The following BCHE variants were observed in gnomAD, a reference collection of about 807,000 sequenced individuals.
The protein encoded by BCHE is cholinesterase.
In BCHE, 48 loss-of-function variants were observed where a neutral mutation model predicts 51.3. The observed-to-expected ratio is 0.94, with a 90% confidence interval of 0.74 to 1.19. The LOEUF (loss-of-function observed/expected upper bound fraction) is 1.19. BCHE is among the 50% of genes most tolerant of loss of function. The pLI is 0.00. For missense variants in BCHE, 847 were observed against 708.2 expected, an observed-to-expected ratio of 1.20 and a Z score of -2.23; for synonymous variants, 251 against 238.0, an observed-to-expected ratio of 1.05 and a Z score of -0.50.
rs1450987683 is a variant in BCHE at position 165,837,307 on chromosome 3, A to G, written c.-9+7T>C. 1.6e-5 allele frequency: 20 copies of G among 1,286,312 alleles called. No individual in the cohort carries two copies. Among genetic ancestry groups the G allele is most frequent in the Non-Finnish European group, 2.0e-5 (20 of 985,806 alleles). The allele number at this position is 1,286,312 out of a possible 1,614,324, so 79.7% of individuals were successfully genotyped here. A position where few individuals can be genotyped will look rare whatever the true frequency, so the allele number is the denominator to read the frequency against. On this transcript the variant is annotated splice_region_variant and intron_variant, in intron 1 of 3. Transcript: ENST00000264381. ...CTACACGAAGGTGTAAATTCAGAGC[A>G]ACTTACCCGATTCTCTGCAACAAAG...
intron 3 of BCHE, among the ~76,000 whole-genome samples, chr3:165,780,579 C>T (rs1384757292): frequency 6.6e-6 from 1 of 152,054 alleles, no homozygotes; most frequent in African/African-American, 2.4e-5. Context: ...AAGCAAACAA[C>T]CCCATCAAAA....
Position 165,773,360 on chromosome 3 carries a change from C to G in BCHE, c.*22G>C, listed in dbSNP as rs1407247169. On this transcript the variant is annotated 3_prime_UTR_variant, in exon 4 of 4. Coordinates refer to ENST00000264381, the MANE Select transcript of BCHE (RefSeq NM_000055.4). ...GCCTTGATCTAAAGGAAAATATGTTCTATAAAGGGTAAATCTATTAATTAG... is the reference window on the plus strand; with the variant it reads ...GCCTTGATCTAAAGGAAAATATGTTGTATAAAGGGTAAATCTATTAATTAG... The G allele has an allele frequency of 3.7e-6, 6 of 1,603,634 alleles. No homozygotes were observed. The highest frequency in any genetic ancestry group is 5.1e-6 in the Non-Finnish European group (6 of 1,172,454).
chr3:165,795,934 G>A (rs906258632), intron 2 of BCHE, among the ~76,000 whole-genome samples: 4 of 152,006 alleles, frequency 2.6e-5, no homozygotes, highest in African/African-American at 9.7e-5. Flanking sequence ...AAGAAGGGAA[G>A]AGAAAGGGAG....
intron 2 of BCHE, among the ~76,000 whole-genome samples, chr3:165,806,998 A>G (rs1576854423): frequency 6.6e-6 from 1 of 152,060 alleles, no homozygotes; most frequent in East Asian, 1.9e-4. Flanking sequence ...TAAAACAACT[A>G]TGATCGATCA....
chr3:165,832,725 C>T (rs1308614341), intron 1 of BCHE, among the ~76,000 whole-genome samples: 2 of 152,118 alleles, frequency 1.3e-5, no homozygotes, highest in Admixed American at 1.3e-4. Context: ...AATTAGGTTG[C>T]TGAAATCCAA....
At chr3:165,833,698 A>C (rs1402500325) in intron 1 of BCHE, among the ~76,000 whole-genome samples, 2 of 152,146 alleles carry the variant, frequency 1.3e-5, no homozygotes. Context: ...CTACTGCTTC[A>C]GTTCTTTTTT....
chr3:165,787,827 A>G (rs1161062337), intron 2 of BCHE, among the ~76,000 whole-genome samples: 1 of 151,986 alleles, frequency 6.6e-6, no homozygotes, highest in Non-Finnish European at 1.5e-5. Flanking sequence ...CTTTTGACTA[A>G]ATGGCTAGTG....
intron 1 of BCHE, among the ~76,000 whole-genome samples, chr3:165,836,449 C>T (rs1715191434): frequency 6.6e-6 from 1 of 151,690 alleles, no homozygotes; most frequent in Non-Finnish European, 1.5e-5. Context: ...ATGTAGAAGA[C>T]ATACTCATAA....
chr3:165,830,105 T>C lies in BCHE; in HGVS notation c.929A>G (p.Tyr310Cys), dbSNP rs772234528. Residue 310 changes from tyrosine (Y) to cysteine (C), a missense_variant, in exon 2 of 4, where the codon TAT becomes TGT. Transcript: ENST00000264381. ...ILLNEAFVVP[Y>C]GTPLSVNFGP... is the part of the protein sequence containing the mutation. ...AAAGTTTACTGACAAAGGAGTCCCA[T>C]AGGGGACAACAAATGCTTCATTCAG... is the stretch of plus-strand genomic sequence containing the variant. The C allele has an allele frequency of 4.3e-6, 7 of 1,613,762 alleles. No individual in the cohort carries two copies. The highest frequency in any genetic ancestry group is 1.7e-4 in the Middle Eastern group (1 of 6,056).
chr3:165,778,583 A>AT (rs1712562934), intron 3 of BCHE: 1 of 359,144 alleles, frequency 2.8e-6, no homozygotes, highest in Non-Finnish European at 6.2e-6. Context: ...TTGCCTTCAC[A>AT]TTGAGATTCA....
At chr3:165,779,456 A>C (rs1712597546) in intron 3 of BCHE, among the ~76,000 whole-genome samples, 1 of 152,106 alleles carries the variant, frequency 6.6e-6, no homozygotes, top group South Asian at 2.1e-4. Flanking sequence ...GTATTCAAAT[A>C]AAAAGAAAGG....
At chr3:165,774,654 A>C (rs1278336264) in intron 3 of BCHE, among the ~76,000 whole-genome samples, 1 of 152,154 alleles carries the variant, frequency 6.6e-6, no homozygotes, top group African/African-American at 2.4e-5. Context: ...TTTTAATGGG[A>C]AACAACATTA....
chr3:165,827,274 C>T (rs1008060099), intron 2 of BCHE, among the ~76,000 whole-genome samples: 1 of 151,930 alleles, frequency 6.6e-6, no homozygotes, highest in Non-Finnish European at 1.5e-5. Context: ...GTGCAAATAT[C>T]GTCTGCAAAT....
intron 2 of BCHE, among the ~76,000 whole-genome samples, chr3:165,813,720 G>C (rs1020820848): frequency 1.3e-5 from 2 of 151,476 alleles, no homozygotes; most frequent in Non-Finnish European, 2.9e-5. Context: ...AATTATAAAG[G>C]TTTAATTTTA....
chr3:165,790,197 G>A (rs1182754947), intron 2 of BCHE, among the ~76,000 whole-genome samples: 1 of 152,108 alleles, frequency 6.6e-6, no homozygotes, highest in Admixed American at 6.6e-5. Flanking sequence ...TGACCTCCAT[G>A]GAGGGGAAGG....
In BCHE at chr3:165,829,600, C is replaced by T; in HGVS notation, c.1434G>A (p.Leu478=). ...CTTTTGTGTAATTATCTCTTCTTTC[C>T]AGAGGTAAACCAAAGACAAATTCAA... ...YEIEFVFGLP[L]ERRDNYTKAE... Residue 478 remains leucine (L), a synonymous_variant, in exon 2 of 4, where the codon CTG becomes CTA. Transcript: ENST00000264381. 6.2e-7 allele frequency: 1 copy of T among 1,613,742 alleles called. No individual in the cohort carries two copies. Among genetic ancestry groups the T allele is most frequent in the South Asian group, 1.1e-5 (1 of 91,072 alleles).
intron 2 of BCHE, among the ~76,000 whole-genome samples, chr3:165,799,872 A>G (rs990247414): frequency 7.2e-5 from 11 of 152,058 alleles, no homozygotes; most frequent in Non-Finnish European, 1.6e-4. Flanking sequence ...TGTGCTACCT[A>G]CCATATAAAA....
At chr3:165,809,342 T>C (rs1713990288) in intron 2 of BCHE, among the ~76,000 whole-genome samples, 1 of 152,254 alleles carries the variant, frequency 6.6e-6, no homozygotes, top group Non-Finnish European at 1.5e-5. Flanking sequence ...ATTTTAAACA[T>C]GTATGAGAGT....
intron 2 of BCHE, among the ~76,000 whole-genome samples, chr3:165,801,427 A>G (rs1713639712): frequency 6.6e-6 from 1 of 152,212 alleles, no homozygotes; most frequent in African/African-American, 2.4e-5. Context: ...ATCTTGTTTT[A>G]TTAAATGTTA....
Sources: allele counts gnomAD v4.1 joint callset (sites outside exome capture counted in the v4.1 genomes callset), GRCh38; gene constraint gnomAD v4.1.1; transcripts MANE v1.5; gene names NCBI Gene and HGNC (gene_info 2026-07-23, HGNC 2026-07-21).